Variants in ASAP1 observed in about 807,000 individuals in gnomAD.
ASAP1 encodes the protein ArfGAP with SH3 domain, ankyrin repeat and PH domain 1.
ASAP1 carries 43 observed loss-of-function variants against 145.2 expected under a neutral mutation model. The observed-to-expected ratio is 0.30, with a 90% CI of 0.23 to 0.38. The LOEUF is 0.38. Ranked by LOEUF, ASAP1 falls within the 10% of genes least tolerant of loss-of-function variation. The pLI is 1.00. For missense variants in ASAP1, 1,018 were observed against 1,355.3 expected, an observed-to-expected ratio of 0.75 and a Z score of 3.91; for synonymous variants, 546 against 515.5, an observed-to-expected ratio of 1.06 and a Z score of -0.80.
At chr8:130,268,652 A>T (rs1820411660) in intron 3 of ASAP1, among the ~76,000 whole-genome samples, 1 of 152,210 alleles carries the variant, frequency 6.6e-6, no homozygotes. Context: ...AACAAAAACT[A>T]AAAAATAATA....
chr8:130,090,568 T>C (rs2097503511), intron 25 of ASAP1, among the ~76,000 whole-genome samples: 1 of 152,236 alleles, frequency 6.6e-6, no homozygotes, highest in Admixed American at 6.5e-5. Flanking sequence ...CTTCCCTGGC[T>C]TTCCTCTAAA....
At chr8:130,130,451 T>A (rs905594660) in intron 15 of ASAP1, among the ~76,000 whole-genome samples, 2 of 152,218 alleles carry the variant, frequency 1.3e-5, no homozygotes, top group Non-Finnish European at 2.9e-5. Flanking sequence ...GATAATTTTC[T>A]AGAGAAAATA....
At chr8:130,133,483 C>G (rs573365847) in intron 15 of ASAP1, among the ~76,000 whole-genome samples, 8 of 151,172 alleles carry the variant, frequency 5.3e-5, no homozygotes, top group African/African-American at 1.9e-4. Context: ...GGTGAAACCC[C>G]GTCTCTACTA....
At chr8:130,371,746 C>T (rs1827223235) in intron 2 of ASAP1, among the ~76,000 whole-genome samples, 1 of 152,180 alleles carries the variant, frequency 6.6e-6, no homozygotes, top group South Asian at 2.1e-4. Flanking sequence ...ACAGAAAAGG[C>T]TTGGGCTCCT....
chr8:130,349,801 C>T (rs770472156), intron 3 of ASAP1, among the ~76,000 whole-genome samples: 29 of 152,194 alleles, frequency 1.9e-4, no homozygotes, highest in Admixed American at 5.9e-4. Context: ...TTGATGAGTG[C>T]CTCCCATGCA....
chr8:130,157,149 A>C (rs1046930706), intron 12 of ASAP1, among the ~76,000 whole-genome samples: 11 of 152,228 alleles, frequency 7.2e-5, no homozygotes, highest in African/African-American at 2.4e-4. Flanking sequence ...CTTTTCAGCA[A>C]GATAAGCTAT....
At chr8:130,208,910 T>C (rs1816400108) in intron 5 of ASAP1, among the ~76,000 whole-genome samples, 1 of 152,062 alleles carries the variant, frequency 6.6e-6, no homozygotes, top group South Asian at 2.1e-4. Flanking sequence ...TGTCATTTCA[T>C]CTATTTGCCA....
chr8:130,330,074 C>T (rs909285936), intron 3 of ASAP1, among the ~76,000 whole-genome samples: 2 of 152,100 alleles, frequency 1.3e-5, no homozygotes, highest in African/African-American at 4.8e-5. Context: ...ACAGCTGGAC[C>T]CAGCTGGAAA....
At chr8:130,127,341 C>A (rs542988925) in intron 16 of ASAP1, among the ~76,000 whole-genome samples, 2 of 152,140 alleles carry the variant, frequency 1.3e-5, no homozygotes, top group South Asian at 4.1e-4. Context: ...CTTATCCTCC[C>A]AAGTAGCTGG....
At chr8:130,331,787 T>C (rs1271175828) in intron 3 of ASAP1, among the ~76,000 whole-genome samples, 1 of 152,040 alleles carries the variant, frequency 6.6e-6, no homozygotes, top group Non-Finnish European at 1.5e-5. Context: ...TTCACAGACA[T>C]ATCTAGAAAC....
rs570839309 is a variant in ASAP1, at chr8:130,197,992, A to G, written c.406-9809T>C. On this transcript the variant is annotated intron_variant, in intron 5 of 29. Transcript: ENST00000518721. ...TCTCTCCCCTGTATGTAAGCCCCTA[A>G]TACACCCCATGTCTCATTTGCTGGC... is the stretch of plus-strand genomic sequence containing the variant. Among the ~76,000 whole-genome samples, 8 of 152,216 alleles carry G rather than the reference A, an allele frequency of 5.3e-5. No homozygotes were observed. The East Asian group carries it at 1.5e-3, about 29-fold the overall frequency.
chr8:130,396,841 TCA>T (rs1352484662), intron 2 of ASAP1, among the ~76,000 whole-genome samples: 2 of 151,838 alleles, frequency 1.3e-5, no homozygotes, highest in African/African-American at 4.8e-5. Flanking sequence ...GGAGGAGGAG[TCA>T]CAGAGGTTTC....
chr8:130,100,983 T>C lies in ASAP1; in HGVS notation c.2402-8840A>G, dbSNP rs9942820. On this transcript the variant is annotated intron_variant, in intron 24 of 29. Transcript: ENST00000518721. ...TAGTTTCGGGTATTATGTTTAAGTC[T>C]TTAATTCATCTTGAGTTGAGAGATA... Among the ~76,000 whole-genome samples, 935 of 152,320 alleles carry C rather than the reference T, an allele frequency of 6.1e-3. 10 individuals carry two copies. The highest frequency in any genetic ancestry group is 0.022 in the African/African-American group (897 of 41,564).
chr8:130,220,348 T>C (rs1817215443), intron 4 of ASAP1, among the ~76,000 whole-genome samples: 5 of 152,172 alleles, frequency 3.3e-5, no homozygotes, highest in Admixed American at 3.3e-4. Flanking sequence ...TATTAAGCAC[T>C]TTACATACAG....
At chr8:130,233,804 A>G (rs1457652888) in intron 4 of ASAP1, among the ~76,000 whole-genome samples, 1 of 152,318 alleles carries the variant, frequency 6.6e-6, no homozygotes, top group East Asian at 1.9e-4. Context: ...AACACCCAGA[A>G]CAGGAGAATA....
chr8:130,415,470 T>C (rs1300082954), intron 1 of ASAP1, among the ~76,000 whole-genome samples: 1 of 151,924 alleles, frequency 6.6e-6, no homozygotes, highest in African/African-American at 2.4e-5. Flanking sequence ...AGCAAGACCC[T>C]GTCTCTTAAA....
intron 5 of ASAP1, among the ~76,000 whole-genome samples, chr8:130,190,498 T>G (rs1430924898): frequency 6.6e-6 from 1 of 152,122 alleles, no homozygotes; most frequent in Non-Finnish European, 1.5e-5. Flanking sequence ...TCTATTTGGT[T>G]CCACTGATTT....
At chr8:130,416,272 T>C (rs571010814) in intron 1 of ASAP1, among the ~76,000 whole-genome samples, 1 of 152,148 alleles carries the variant, frequency 6.6e-6, no homozygotes, top group Non-Finnish European at 1.5e-5. Flanking sequence ...AAGAGCATTG[T>C]AAGCAAAGCA....
intron 12 of ASAP1, among the ~76,000 whole-genome samples, chr8:130,159,549 GAA>G (rs869060434): frequency 1.5e-3 from 127 of 84,160 alleles, no homozygotes; most frequent in Non-Finnish European, 1.9e-3. Context: ...GTGAACTCAG[GAA>G]AAAAAAAAAA....
Sources: gnomAD v4.1 joint callset for allele counts (sites outside exome capture counted in the v4.1 genomes callset) on GRCh38, gnomAD v4.1.1 for gene constraint, MANE v1.5 for transcripts, NCBI Gene and HGNC (gene_info 2026-07-23, HGNC 2026-07-21) for gene names.